ZNF462: variants seen among roughly 807,000 people sequenced by gnomAD.
ZNF462 encodes zinc finger protein 462.
In ZNF462, 10 loss-of-function variants were observed where a neutral mutation model predicts 201.9. The ratio of observed to expected loss-of-function variants is 0.05; its 90% CI spans 0.03 to 0.08. The LOEUF (loss-of-function observed/expected upper bound fraction) is 0.08. Among genes scored for constraint, ZNF462 ranks in the 10% least tolerant of loss-of-function variants. The pLI is 1.00. For synonymous variants in ZNF462, 1,227 were observed against 1,193.3 expected (o/e 1.03, Z -0.58); for missense variants, 2,523 against 3,168.3 (o/e 0.80, Z 4.89).
In ZNF462 at chr9:106,925,492, G is replaced by T. The variant is rs779079488; in HGVS notation, c.1580G>T (p.Gly527Val). 6.2e-7 allele frequency: 1 copy of T among 1,614,088 alleles called. No homozygotes were observed. Among genetic ancestry groups the T allele is most frequent in the Admixed American group, 1.7e-5 (1 of 60,022 alleles). The part of the protein sequence containing the change: ...VVSYESSSIN[G>V]RKSGVMLDPL... The stretch of plus-strand genomic sequence containing the variant: ...TCTTATGAGAGCTCAAGCATCAATG[G>T]TAGAAAGTCAGGAGTCATGTTGGAT... The change falls in exon 3 of 13, where the codon GGT becomes GTT. Residue 527 changes from glycine (G) to valine (V), a missense_variant. By Grantham distance (109) the Gly-to-Val change is moderately radical (BLOSUM62 -3). Transcript: ENST00000277225. The surrounding 1 kb of genome is among the most constrained non-coding windows in gnomAD (Gnocchi z 7.9).
intron 10 of ZNF462, among the ~76,000 whole-genome samples, chr9:107,002,924 G>C (rs1300588428): frequency 6.6e-6 from 1 of 152,110 alleles, no homozygotes; most frequent in Non-Finnish European, 1.5e-5. Context: ...TTTGAAACTT[G>C]GGTTGTTATA....
Position 107,012,974 on chromosome 9 carries a change from G to A in ZNF462, c.*1944G>A, listed in dbSNP as rs1830008430. The A allele has an allele frequency of 6.6e-6, 1 of 151,404 alleles. No individual in the cohort carries two copies. Among genetic ancestry groups the A allele is most frequent in the South Asian group, 2.1e-4 (1 of 4,820 alleles). The allele number at this position is 151,404 out of a possible 1,614,324, so 9.4% of individuals were successfully genotyped here. On this transcript the variant is annotated 3_prime_UTR_variant, in exon 13 of 13. Transcript: ENST00000277225. Reference sequence around the variant, plus strand: ...CATCATGTGGAAACCAGAAAATGGGGAAAGTGTGAACTATCCAGACAAAGA... The same window carrying A: ...CATCATGTGGAAACCAGAAAATGGGAAAAGTGTGAACTATCCAGACAAAGA...
chr9:106,927,909 C>T lies in ZNF462; in HGVS notation c.3997C>T (p.Arg1333Trp), dbSNP rs754636076. 9 of 1,614,084 alleles carry T rather than the reference C, an allele frequency of 5.6e-6. No homozygotes were observed. Among genetic ancestry groups the T allele is most frequent in the African/African-American group, 4.0e-5 (3 of 74,932 alleles). ...CAACGGTTTGCTCCTGCATTACCAA[C>T]GGAGGCATCCAGAACACTATGTTGA... ...EPNGLLLHYQ[R>W]RHPEHYVDYT... The change falls in exon 3 of 13, where the codon CGG becomes TGG. Residue 1333 changes from arginine to tryptophan, a missense_variant. Physicochemically the swap from Arg to Trp is moderately radical, Grantham distance 101. Transcript: ENST00000277225.
intron 1 of ZNF462, among the ~76,000 whole-genome samples, chr9:106,873,877 C>T (rs990472690): frequency 7.2e-5 from 11 of 152,064 alleles, no homozygotes; most frequent in Admixed American, 3.9e-4. Context: ...CTCTTCAGCC[C>T]CCAAGAAACT....
chr9:106,984,262 T>C lies in ZNF462; in HGVS notation c.6909T>C (p.Asp2303=). 1 of 1,614,154 alleles carries C rather than the reference T, an allele frequency of 6.2e-7. No individual in the cohort carries two copies. Residue 2303 remains aspartate, a synonymous_variant, in exon 10 of 13, where the codon GAT becomes GAC. Transcript: ENST00000277225. The surrounding 1 kb of genome is among the most constrained non-coding windows in gnomAD (Gnocchi z 6.4). The part of the protein sequence containing the change: ...KYLQGVVFRC[D]KCTFTCSSDE... ...TGCAGGGAGTAGTTTTCCGCTGTGA[T>C]AAGTGTACCTTCACCTGCTCCAGTG...
At chr9:106,943,051 T>TGCGCGCGC (rs757008438) in intron 7 of ZNF462, among the ~76,000 whole-genome samples, 25 of 145,318 alleles carry the variant, frequency 1.7e-4, no homozygotes, top group African/African-American at 5.9e-4. Context: ...AGTTTTGTTT[T>TGCGCGCGC]GCGCGCGCGT....
Position 106,928,508 on chromosome 9 carries a change from C to A in ZNF462, c.4596C>A (p.Thr1532=). ...ACACCCGCATCCACGGCGTACTGACCCACTACCAGAAGCGACACCCGTCCA... is the reference window on the plus strand; with the variant it reads ...ACACCCGCATCCACGGCGTACTGACACACTACCAGAAGCGACACCCGTCCA... ...YINTRIHGVL[T]HYQKRHPSIK... is the part of the protein sequence containing the mutation. The change falls in exon 3 of 13, where the codon ACC becomes ACA. Residue 1532 remains threonine, a synonymous_variant. Transcript: ENST00000277225. This position sits in a 1 kb window ranked among gnomAD's most constrained non-coding sequence, Gnocchi z 9.3. 6.2e-7 allele frequency: 1 copy of A among 1,614,090 alleles called. No individual in the cohort carries two copies. Among genetic ancestry groups the A allele is most frequent in the Non-Finnish European group, 8.5e-7 (1 of 1,180,010 alleles).
In ZNF462 at chr9:106,924,362, T is replaced by C. The variant is rs764946037; in HGVS notation, c.450T>C (p.Tyr150=). 2 of 1,614,150 alleles carry C rather than the reference T, an allele frequency of 1.2e-6. No individual in the cohort carries two copies. Among genetic ancestry groups the C allele is most frequent in the South Asian group, 1.1e-5 (1 of 91,082 alleles). Residue 150 remains tyrosine, a synonymous_variant, in exon 3 of 13, where the codon TAT becomes TAC. Transcript: ENST00000277225. The surrounding 1 kb of genome is among the most constrained non-coding windows in gnomAD (Gnocchi z 6.2). The part of the protein sequence containing the change: ...SGPPVPGSLN[Y]NIMMHEGFGK... ...CCCCTGTCCCGGGATCCTTAAATTA[T>C]AATATCATGATGCACGAGGGATTTG...
chr9:106,881,333 G>C (rs1453661568), intron 1 of ZNF462, among the ~76,000 whole-genome samples: 1 of 152,170 alleles, frequency 6.6e-6, no homozygotes, highest in Non-Finnish European at 1.5e-5. Context: ...TGGTAGGCCT[G>C]TGAGGACCTT....
In ZNF462 at chr9:106,876,002, A is replaced by G. The variant is rs1051633199; in HGVS notation, c.-31+12647A>G. On this transcript the variant is annotated intron_variant, in intron 1 of 12. Coordinates refer to ENST00000277225, the MANE Select transcript of ZNF462 (RefSeq NM_021224.6). This position sits in a 1 kb window ranked among gnomAD's most constrained non-coding sequence, Gnocchi z 4.9. Reference sequence around the variant, plus strand: ...CTCTAGGCACTTATTTTTCTCTAAAACATCAAGAGTGCAAATAGTCATCTC... The same window carrying G: ...CTCTAGGCACTTATTTTTCTCTAAAGCATCAAGAGTGCAAATAGTCATCTC... 6.6e-6 allele frequency among the ~76,000 whole-genome samples: 1 copy of G among 152,206 alleles called. No individual in the cohort carries two copies. Among genetic ancestry groups the G allele is most frequent in the African/African-American group, 2.4e-5 (1 of 41,456 alleles).
At chr9:106,879,691 TGC>T (rs1828007238) in intron 1 of ZNF462, among the ~76,000 whole-genome samples, 1 of 152,146 alleles carries the variant, frequency 6.6e-6, no homozygotes, top group Non-Finnish European at 1.5e-5. Context: ...GGTAGAAGCC[TGC>T]AGAATGGTTC....
At chr9:106,899,212 G>A (rs1043187642) in intron 1 of ZNF462, among the ~76,000 whole-genome samples, 7 of 130,264 alleles carry the variant, frequency 5.4e-5, no homozygotes, top group African/African-American at 2.0e-4. Context: ...GAGAGAGAGA[G>A]AGAATGTGTG....
chr9:106,860,433 C>T (rs776032466), upstream of ZNF462, among the ~76,000 whole-genome samples: 13 of 152,098 alleles, frequency 8.5e-5, no homozygotes, highest in Non-Finnish European at 1.9e-4. The surrounding 1 kb of genome is among the most constrained non-coding windows in gnomAD (Gnocchi z 7.1). Context: ...CTTGGAAACC[C>T]AAGGTTTCCT....
rs761658081 is a variant in ZNF462 at position 107,003,828 on chromosome 9, A to G, written c.7189+402A>G. ...ATTTAAAATTGCTGCTGGGGCACAC[A>G]CTGCTGGAACTGTAGGGGACGGTGG... On this transcript the variant is annotated intron_variant, in intron 11 of 12. Coordinates refer to ENST00000277225, the MANE Select transcript of ZNF462 (RefSeq NM_021224.6). This position sits in a 1 kb window ranked among gnomAD's most constrained non-coding sequence, Gnocchi z 4.4. Among the ~76,000 whole-genome samples, 2 of 152,096 alleles carry G rather than the reference A, an allele frequency of 1.3e-5. No homozygotes were observed. Among genetic ancestry groups the G allele is most frequent in the Non-Finnish European group, 2.9e-5 (2 of 68,024 alleles).
At chr9:106,999,041 C>A (rs1468583518) in intron 10 of ZNF462, among the ~76,000 whole-genome samples, 1 of 152,114 alleles carries the variant, frequency 6.6e-6, no homozygotes, top group East Asian at 1.9e-4. Context: ...GGTTTCTAGT[C>A]TGAATTATTA....
chr9:106,937,099 A>G (rs1830662377), intron 6 of ZNF462, among the ~76,000 whole-genome samples: 1 of 152,118 alleles, frequency 6.6e-6, no homozygotes, highest in Non-Finnish European at 1.5e-5. Flanking sequence ...ATTTTATTTT[A>G]TTTTAAAGAA....
At chr9:106,959,112 G>A (rs1588118290) in intron 7 of ZNF462, among the ~76,000 whole-genome samples, 4 of 152,150 alleles carry the variant, frequency 2.6e-5, no homozygotes, top group Admixed American at 2.6e-4. Context: ...TCTGTCTGTG[G>A]TATTACTCAG....
rs895871098 is a variant in ZNF462 at position 106,880,921 on chromosome 9, G to T, written c.-31+17566G>T. On this transcript the variant is annotated intron_variant, in intron 1 of 12. Transcript: ENST00000277225. This position sits in a 1 kb window ranked among gnomAD's most constrained non-coding sequence, Gnocchi z 4.1. ...TGATAGATACAAATAGTTTCTTTAA[G>T]AATTCTGATTCCTACAAAACAATAT... Among the ~76,000 whole-genome samples, 1 of 152,176 alleles carries T rather than the reference G, an allele frequency of 6.6e-6. No individual in the cohort carries two copies. The highest frequency in any genetic ancestry group is 1.5e-5 in the Non-Finnish European group (1 of 68,030).
At chr9:106,971,283 C>T (rs907222377) in intron 7 of ZNF462, among the ~76,000 whole-genome samples, 2 of 151,084 alleles carry the variant, frequency 1.3e-5, no homozygotes, top group African/African-American at 4.9e-5. Flanking sequence ...CGTGTAGACG[C>T]CTGTGTACAT....
Sources: gnomAD v4.1 joint callset for allele counts (sites outside exome capture counted in the v4.1 genomes callset) on GRCh38, gnomAD v4.1.1 for gene constraint, Gnocchi (gnomAD v3.1) non-coding constraint, MANE v1.5 for transcripts, NCBI Gene and HGNC (gene_info 2026-07-23, HGNC 2026-07-21) for gene names.